The following PRKCA variants were observed in gnomAD, a reference collection of about 807,000 sequenced individuals.
PRKCA encodes protein kinase C alpha.
A neutral mutation model predicts 87.0 loss-of-function variants in PRKCA; 27 were observed. The observed-to-expected ratio is 0.31, with a 90% CI of 0.23 to 0.43. The LOEUF (loss-of-function observed/expected upper bound fraction) is 0.43. PRKCA is among the 20% of genes least tolerant of loss of function. The pLI, the probability that PRKCA is intolerant of heterozygous loss-of-function variation, is 1.00. For synonymous variants in PRKCA, 329 were observed against 311.1 expected, an observed-to-expected ratio of 1.06 and a Z score of -0.61; for missense variants, 518 against 852.3, an observed-to-expected ratio of 0.61 and a Z score of 4.88.
chr17:66,378,626 G>A (rs7216852), intron 2 of PRKCA, among the ~76,000 whole-genome samples: 33,047 of 152,030 alleles, frequency 0.22, 3,759 homozygotes, highest in Admixed American at 0.31. Flanking sequence ...CAGGCTGGGC[G>A]TAAAGTCTCA....
chr17:66,392,868 T>C (rs1910444003), intron 2 of PRKCA, among the ~76,000 whole-genome samples: 1 of 152,148 alleles, frequency 6.6e-6, no homozygotes, highest in Non-Finnish European at 1.5e-5. Flanking sequence ...AATTTAAAAA[T>C]GTGTCCTTGA....
chr17:66,688,414 A>T lies in PRKCA; in HGVS notation c.799A>T (p.Met267Leu), dbSNP rs1408759009. ...GSLSFGVSEL[M>L]KMPASGWYKL... ...CCTTTCCTTTGGAGTTTCGGAGCTG[A>T]TGAAGATGCCGGCCAGTGGATGGTA... Residue 267 changes from methionine to leucine, a missense_variant, in exon 7 of 17, where the codon ATG becomes TTG. This residue lies in a region of PRKCA where 300 missense variants were observed against 496.8 expected (regional missense o/e 0.60). Coordinates refer to ENST00000413366, the MANE Select transcript of PRKCA (RefSeq NM_002737.3). 1.4e-5 allele frequency: 22 copies of T among 1,614,190 alleles called. No individual in the cohort carries two copies. The highest frequency in any genetic ancestry group is 1.9e-5 in the Non-Finnish European group (22 of 1,180,036).
At chr17:66,711,865 G>T (rs1307523551) in intron 8 of PRKCA, among the ~76,000 whole-genome samples, 1 of 152,156 alleles carries the variant, frequency 6.6e-6, no homozygotes, top group Non-Finnish European at 1.5e-5. Flanking sequence ...AGATGTGCCT[G>T]TTAGAGGAAC....
intron 5 of PRKCA, among the ~76,000 whole-genome samples, chr17:66,670,335 T>A (rs1972145656): frequency 6.6e-6 from 1 of 152,250 alleles, no homozygotes; most frequent in Middle Eastern, 3.4e-3. Context: ...CATATAAAAA[T>A]TATGACAAGC....
chr17:66,709,309 T>C (rs1343944526), intron 8 of PRKCA, among the ~76,000 whole-genome samples: 2 of 144,470 alleles, frequency 1.4e-5, no homozygotes, highest in Admixed American at 1.4e-4. Context: ...TTCTTTTTTT[T>C]TTTTTTTTTT....
chr17:66,386,561 C>T (rs979060844), intron 2 of PRKCA, among the ~76,000 whole-genome samples: 3 of 152,172 alleles, frequency 2.0e-5, no homozygotes, highest in Admixed American at 6.5e-5. Flanking sequence ...GCATATGATA[C>T]CCAGAATAAT....
intron 2 of PRKCA, among the ~76,000 whole-genome samples, chr17:66,458,986 T>G (rs1416928271): frequency 6.6e-6 from 1 of 151,848 alleles, no homozygotes; most frequent in Non-Finnish European, 1.5e-5. Context: ...CTGAGGGAGG[T>G]AAAGTAACTT....
At chr17:66,556,981 T>G (rs1254993639) in intron 3 of PRKCA, among the ~76,000 whole-genome samples, 1 of 152,100 alleles carries the variant, frequency 6.6e-6, no homozygotes, top group East Asian at 1.9e-4. Context: ...TTTGGGTCAA[T>G]GGAGGAGCAA....
intron 3 of PRKCA, among the ~76,000 whole-genome samples, chr17:66,559,632 T>A (rs956372079): frequency 4.6e-5 from 7 of 151,980 alleles, no homozygotes; most frequent in East Asian, 1.9e-4. Context: ...ATTTTTTTTT[T>A]AAGAATTTTG....
intron 4 of PRKCA, among the ~76,000 whole-genome samples, chr17:66,643,216 G>A (rs1971356128): frequency 6.6e-6 from 1 of 152,224 alleles, no homozygotes; most frequent in Non-Finnish European, 1.5e-5. Flanking sequence ...TCCTTGGGCA[G>A]AACTTGCAAT....
chr17:66,577,571 C>G (rs1169920549), intron 3 of PRKCA, among the ~76,000 whole-genome samples: 1 of 152,194 alleles, frequency 6.6e-6, no homozygotes, highest in African/African-American at 2.4e-5. Flanking sequence ...TGGCCTGCTT[C>G]AGACCTAGAG....
chr17:66,556,588 T>G (rs1371762885), intron 3 of PRKCA, among the ~76,000 whole-genome samples: 2 of 152,180 alleles, frequency 1.3e-5, no homozygotes, highest in Non-Finnish European at 2.9e-5. Flanking sequence ...CACCCAAATC[T>G]CACCTTGATT....
chr17:66,340,411 TG>T (rs1168897421), intron 2 of PRKCA, among the ~76,000 whole-genome samples: 1 of 151,464 alleles, frequency 6.6e-6, no homozygotes, highest in Non-Finnish European at 1.5e-5. Flanking sequence ...TGTTTTCGTT[TG>T]TCAGAATATG....
intron 2 of PRKCA, among the ~76,000 whole-genome samples, chr17:66,338,939 AG>A (rs1906870796): frequency 6.6e-6 from 1 of 152,214 alleles, no homozygotes; most frequent in Non-Finnish European, 1.5e-5. Flanking sequence ...AGAAAATGAC[AG>A]GAACATACTT....
At chr17:66,612,258 G>C (rs551594716) in intron 3 of PRKCA, among the ~76,000 whole-genome samples, 1 of 151,764 alleles carries the variant, frequency 6.6e-6, no homozygotes, top group Admixed American at 6.6e-5. Flanking sequence ...GCAGGCGCCT[G>C]TAATCCCAGC....
In PRKCA at chr17:66,574,668, G is replaced by A. The variant is rs555707499; in HGVS notation, c.289-66687G>A. On this transcript the variant is annotated intron_variant, in intron 3 of 16. Transcript: ENST00000413366. ...AAGGAAATCCCCACTGGAGCATTTC[G>A]GATTTTCAGATTGAGGCATTTAACC... is the stretch of plus-strand genomic sequence containing the variant. 9.6e-4 allele frequency among the ~76,000 whole-genome samples: 146 copies of A among 151,586 alleles called. 3 individuals carry two copies. In the South Asian group the frequency reaches 0.011, roughly 11 times the overall value.
intron 2 of PRKCA, among the ~76,000 whole-genome samples, chr17:66,473,271 G>C (rs376011061): frequency 2.4e-4 from 36 of 152,278 alleles, no homozygotes; most frequent in Middle Eastern, 3.4e-3. Context: ...CTCTGGGATT[G>C]GCCTCAATCT....
intron 3 of PRKCA, among the ~76,000 whole-genome samples, chr17:66,567,765 G>A (rs1050591455): frequency 1.3e-5 from 2 of 152,174 alleles, no homozygotes; most frequent in African/African-American, 4.8e-5. Flanking sequence ...GGTAACCTGC[G>A]TTTGGGAAAA....
At chr17:66,388,770 A>G (rs1200251834) in intron 2 of PRKCA, among the ~76,000 whole-genome samples, 3 of 152,168 alleles carry the variant, frequency 2.0e-5, no homozygotes, top group Non-Finnish European at 2.9e-5. Context: ...GCACCTTCCT[A>G]TACACAAAGA....
Sources: gnomAD v4.1 joint callset for allele counts (sites outside exome capture counted in the v4.1 genomes callset) on GRCh38, gnomAD v4.1.1 for gene constraint, gnomAD v4.1.1 regional missense constraint, MANE v1.5 for transcripts, NCBI Gene and HGNC (gene_info 2026-07-23, HGNC 2026-07-21) for gene names.